MTRF1: variants seen among roughly 807,000 people sequenced by gnomAD.
MTRF1 encodes the protein peptide chain release factor 1, mitochondrial.
MTRF1 carries 51 observed loss-of-function variants against 62.9 expected under a neutral mutation model. That is an observed-to-expected ratio of 0.81 (90% confidence interval 0.65 to 1.02). MTRF1 has a LOEUF of 1.02. MTRF1 is among the 50% of genes least tolerant of loss of function. MTRF1 has a pLI of 0.00. For missense variants in MTRF1, 446 were observed against 530.0 expected (o/e 0.84, Z 1.56); for synonymous variants, 158 against 181.9 (o/e 0.87, Z 1.06).
rs189381214 is a variant in MTRF1 at position 41,238,280 on chromosome 13, T to A, written c.870+1981A>T. Among the ~76,000 whole-genome samples the A allele has an allele frequency of 1.4e-4, 21 of 152,262 alleles. No individual in the cohort carries two copies. The East Asian group carries it at 3.3e-3, about 24-fold the overall frequency. ...GCATAGATGCACTCAAATGATGGTA[T>A]CATTTCAAAAGGACAAAAGAGGTAC... On this transcript the variant is annotated intron_variant, in intron 6 of 9. Coordinates refer to ENST00000379480, the MANE Select transcript of MTRF1 (RefSeq NM_004294.4).
At chr13:41,263,370 A>G in intron 1 of MTRF1, 115 bp downstream of exon 1, 1 of 1,177,786 alleles carries the variant, frequency 8.5e-7, no homozygotes, top group South Asian at 1.3e-5. Flanking sequence ...CAGAAGCGAC[A>G]GCCCGCGGGG....
chr13:41,309,495 T>C, the MTRF1 span, among the ~76,000 whole-genome samples: 1 of 152,100 alleles, frequency 6.6e-6, no homozygotes, highest in Non-Finnish European at 1.5e-5. Context: ...TGGCTGTGCA[T>C]GTGTCTTTAC....
At chr13:41,244,960 T>C (rs190881792) in intron 5 of MTRF1, among the ~76,000 whole-genome samples, 1 of 152,362 alleles carries the variant, frequency 6.6e-6, no homozygotes, top group Admixed American at 6.5e-5. Flanking sequence ...AAATAACAAA[T>C]ATAGTATCTG....
intron 6 of MTRF1, among the ~76,000 whole-genome samples, chr13:41,238,320 A>C (rs1043520017): frequency 6.6e-6 from 1 of 152,224 alleles, no homozygotes; most frequent in South Asian, 2.1e-4. Context: ...AAAGGCTACT[A>C]TAGACCAAAT....
chr13:41,233,413 A>G (rs1006492221), intron 7 of MTRF1, among the ~76,000 whole-genome samples: 1 of 152,202 alleles, frequency 6.6e-6, no homozygotes, highest in Non-Finnish European at 1.5e-5. Context: ...TTAAGGAGTT[A>G]AATAAAATTT....
the MTRF1 span, among the ~76,000 whole-genome samples, chr13:41,277,632 G>T: frequency 6.6e-6 from 1 of 152,122 alleles, no homozygotes; most frequent in Admixed American, 6.5e-5. Flanking sequence ...ACCTCCACAT[G>T]CTTAGCTCTT....
chr13:41,262,423 A>G (rs1458239762), intron 1 of MTRF1: 1 of 151,252 alleles, frequency 6.6e-6, no homozygotes, highest in East Asian at 1.9e-4. Flanking sequence ...TTTGCTTGCT[A>G]TTTTTTCTAC....
intron 7 of MTRF1, among the ~76,000 whole-genome samples, chr13:41,232,354 A>AGG: frequency 6.6e-6 from 1 of 152,156 alleles, no homozygotes; most frequent in Non-Finnish European, 1.5e-5. Flanking sequence ...CAATATGAGG[A>AGG]AAAAACAAAT....
chr13:41,254,754 A>T, intron 2 of MTRF1, 134 bp from the exon 3 acceptor site: 2 of 563,910 alleles, frequency 3.5e-6, no homozygotes, highest in Non-Finnish European at 6.0e-6. Flanking sequence ...AGGAACATTT[A>T]GAATATTTGG....
chr13:41,230,963 T>A (rs2035447302), intron 7 of MTRF1, among the ~76,000 whole-genome samples: 1 of 152,104 alleles, frequency 6.6e-6, no homozygotes, highest in Non-Finnish European at 1.5e-5. Context: ...GACCCTCAGG[T>A]GATCTGCCTG....
At chr13:41,253,130 AAAATCATATAGT>A in intron 3 of MTRF1, 100 bp from the exon 4 acceptor site, 1 of 862,070 alleles carries the variant, frequency 1.2e-6, no homozygotes, top group Non-Finnish European at 1.8e-6. Flanking sequence ...AATAATTGGC[AAAATCATATAGT>A]ATCCCAAACA....
intron 9 of MTRF1, 23 bp downstream of exon 9, chr13:41,223,233 C>T: frequency 6.5e-7 from 1 of 1,531,284 alleles, no homozygotes; most frequent in Non-Finnish European, 9.0e-7. Flanking sequence ...CAAAGGTAGG[C>T]AAAGCATACT....
In MTRF1 at chr13:41,223,322, C is replaced by T. The variant is rs1234908310; in HGVS notation, c.1158G>A (p.Arg386=). Reference sequence around the variant, plus strand: ...CTCTATCCTGGGTGAAATTATATGTCCGAATTCGCTCTGACTGGGCTCTTG... The same window carrying T: ...CTCTATCCTGGGTGAAATTATATGTTCGAATTCGCTCTGACTGGGCTCTTG... ...VGTRAQSERI[R]TYNFTQDRVS... is the part of the protein sequence containing the mutation. The change falls in exon 9 of 10, where the codon CGG becomes CGA. Residue 386 remains arginine, a synonymous_variant. Coordinates refer to ENST00000379480, the MANE Select transcript of MTRF1 (RefSeq NM_004294.4). The T allele has an allele frequency of 1.2e-6, 2 of 1,613,952 alleles. No homozygotes were observed. Among genetic ancestry groups the T allele is most frequent in the South Asian group, 1.1e-5 (1 of 91,064 alleles).
upstream of MTRF1, among the ~76,000 whole-genome samples, chr13:41,265,701 G>A (rs140808811): frequency 9.9e-5 from 15 of 152,250 alleles, no homozygotes; most frequent in South Asian, 2.1e-4. Flanking sequence ...TGAGTACACT[G>A]TGAGATGGTG....
the MTRF1 span, among the ~76,000 whole-genome samples, chr13:41,303,475 A>G: frequency 6.6e-6 from 1 of 152,210 alleles, no homozygotes; most frequent in Admixed American, 6.5e-5. Flanking sequence ...GTTGTTGTTT[A>G]AAAAGAAAAC....
intron 5 of MTRF1, among the ~76,000 whole-genome samples, chr13:41,240,725 G>A (rs1013599941): frequency 3.9e-5 from 6 of 152,030 alleles, no homozygotes; most frequent in Non-Finnish European, 7.4e-5. Context: ...ATATTATTTC[G>A]TTATGTCTGG....
At chr13:41,219,956 C>T (rs1426512205) in intron 9 of MTRF1, among the ~76,000 whole-genome samples, 1 of 132,030 alleles carries the variant, frequency 7.6e-6, no homozygotes, top group Non-Finnish European at 1.5e-5. Flanking sequence ...TGAGATCACA[C>T]CATTGCACTC....
At chr13:41,305,418 A>G in the MTRF1 span, among the ~76,000 whole-genome samples, 1 of 152,240 alleles carries the variant, frequency 6.6e-6, no homozygotes, top group Non-Finnish European at 1.5e-5. Context: ...AAAATGTTTC[A>G]GTGGATTCCC....
At chr13:41,273,207 T>A in the MTRF1 span, among the ~76,000 whole-genome samples, 1 of 151,516 alleles carries the variant, frequency 6.6e-6, no homozygotes, top group Non-Finnish European at 1.5e-5. Context: ...GCGCCTGTAG[T>A]CCCAGTTGCT....
Sources: gnomAD v4.1 joint callset for allele counts (sites outside exome capture counted in the v4.1 genomes callset) on GRCh38, gnomAD v4.1.1 for gene constraint, MANE v1.5 for transcripts, NCBI Gene and HGNC (gene_info 2026-07-23, HGNC 2026-07-21) for gene names.